ITGBL1: variants seen among roughly 807,000 people sequenced by gnomAD.
The protein encoded by ITGBL1 is integrin beta-like protein 1.
In ITGBL1, 51 loss-of-function variants were observed where a neutral mutation model predicts 68.5. The ratio of observed to expected loss-of-function variants is 0.74; its 90% CI spans 0.59 to 0.94. The LOEUF (loss-of-function observed/expected upper bound fraction) is 0.94, where lower values mean the gene tolerates loss of function less well. ITGBL1 is among the 40% of genes least tolerant of loss of function. The pLI is 0.00. For missense variants in ITGBL1, 649 were observed against 647.4 expected, an observed-to-expected ratio of 1.00 and a Z score of -0.03; for synonymous variants, 209 against 227.3, an observed-to-expected ratio of 0.92 and a Z score of 0.72.
chr13:101,661,128 T>TAAA (rs5806242), intron 7 of ITGBL1, among the ~76,000 whole-genome samples: 218 of 149,398 alleles, frequency 1.5e-3, no homozygotes, highest in African/African-American at 4.4e-3. Context: ...ACAAACATAG[T>TAAA]AAAAAAAAAA....
chr13:101,612,750 A>T (rs368333041), intron 7 of ITGBL1, among the ~76,000 whole-genome samples: 1 of 152,132 alleles, frequency 6.6e-6, no homozygotes, highest in African/African-American at 2.4e-5. Context: ...ACACAAGGGT[A>T]TGACAGGGTG....
intron 4 of ITGBL1, among the ~76,000 whole-genome samples, chr13:101,576,308 A>C (rs901232341): frequency 6.6e-6 from 1 of 152,148 alleles, no homozygotes. Flanking sequence ...TCACGACTGC[A>C]TCAGTGCCTT....
At chr13:101,637,101 T>C (rs1247409395) in intron 7 of ITGBL1, among the ~76,000 whole-genome samples, 2 of 152,248 alleles carry the variant, frequency 1.3e-5, no homozygotes, top group Admixed American at 6.5e-5. Context: ...AATAACAAAA[T>C]GGGAAGATAC....
At chr13:101,668,057 T>C (rs1256921536) in intron 7 of ITGBL1, among the ~76,000 whole-genome samples, 5 of 152,196 alleles carry the variant, frequency 3.3e-5, no homozygotes, top group African/African-American at 7.2e-5. Context: ...CAGGATTACA[T>C]TGATCTCTGT....
chr13:101,597,196 C>G (rs1253235699), intron 6 of ITGBL1, among the ~76,000 whole-genome samples: 1 of 152,118 alleles, frequency 6.6e-6, no homozygotes, highest in East Asian at 1.9e-4. Flanking sequence ...ATCTCCGCAT[C>G]TCTCTCAGTT....
chr13:101,720,435 T>C (rs1566809603), downstream of ITGBL1: 1 of 152,066 alleles, frequency 6.6e-6, no homozygotes, highest in African/African-American at 2.4e-5. Flanking sequence ...AAAATAAATC[T>C]TGTCTTAATT....
At chr13:101,689,905 T>C (rs1451121774) in intron 7 of ITGBL1, among the ~76,000 whole-genome samples, 1 of 152,220 alleles carries the variant, frequency 6.6e-6, no homozygotes, top group African/African-American at 2.4e-5. Flanking sequence ...ACAATTAAGT[T>C]ATTATTGACT....
At chr13:101,538,407 A>G (rs1195143009) in intron 2 of ITGBL1, among the ~76,000 whole-genome samples, 1 of 152,112 alleles carries the variant, frequency 6.6e-6, no homozygotes, top group African/African-American at 2.4e-5. Context: ...GAGGGTTAAG[A>G]AGGCTTTCAA....
At chr13:101,600,834 G>A (rs1001938064) in intron 7 of ITGBL1, among the ~76,000 whole-genome samples, 1 of 152,164 alleles carries the variant, frequency 6.6e-6, no homozygotes, top group African/African-American at 2.4e-5. Flanking sequence ...GCTGGTTTCG[G>A]TTTGCCAGTA....
intron 2 of ITGBL1, among the ~76,000 whole-genome samples, chr13:101,513,542 G>A (rs972699820): frequency 3.3e-5 from 5 of 152,062 alleles, no homozygotes; most frequent in African/African-American, 4.8e-5. Context: ...TTTATCCAAC[G>A]TATTATGTCT....
intron 2 of ITGBL1, among the ~76,000 whole-genome samples, chr13:101,541,831 G>T (rs1268750266): frequency 6.6e-6 from 1 of 152,148 alleles, no homozygotes; most frequent in South Asian, 2.1e-4. Flanking sequence ...AGATTTTCTA[G>T]TATATTTGTG....
At chr13:101,649,687 T>C (rs1297722135) in intron 7 of ITGBL1, among the ~76,000 whole-genome samples, 1 of 152,216 alleles carries the variant, frequency 6.6e-6, no homozygotes, top group Non-Finnish European at 1.5e-5. Context: ...AGCCTTTGGC[T>C]GCTCTTACTG....
rs776598493 is a variant in ITGBL1, at chr13:101,453,972, G to A, written c.188G>A (p.Cys63Tyr). 1.3e-6 allele frequency: 2 copies of A among 1,526,846 alleles called. No individual in the cohort carries two copies. The highest frequency in any genetic ancestry group is 4.1e-5 in the Admixed American group (2 of 48,814). The allele number at this position is 1,526,846 out of a possible 1,614,324, so 94.6% of individuals were successfully genotyped here. A position where few individuals can be genotyped will look rare whatever the true frequency, so the allele number is the denominator to read the frequency against. ...GGGCAGCCCCCGGGGGCCGCGCTGT[G>A]CCACGGCCGGGGCCGCTGCGACTGC... ...APGQPPGAALCHGRGRCDCGV... is the reference protein window; with the variant it reads ...APGQPPGAALYHGRGRCDCGV... The change falls in exon 2 of 11, where the codon TGC (cysteine) becomes TAC (tyrosine). Residue 63 changes from cysteine to tyrosine, a missense_variant. Physicochemically the swap from Cys to Tyr is radical, Grantham distance 194 (BLOSUM62 -2). Transcript: ENST00000376180.
In ITGBL1 at chr13:101,553,602, G is replaced by T. The variant is rs1168522708; in HGVS notation, c.317-14097G>T. The stretch of plus-strand genomic sequence containing the variant: ...GTCACAATGTTTTGGAGACCAGAAG[G>T]CTGAGATCAAGGTGTTGGCAGACTT... On this transcript the variant is annotated intron_variant, in intron 2 of 10. Coordinates refer to ENST00000376180, the MANE Select transcript of ITGBL1 (RefSeq NM_004791.3). Among the ~76,000 whole-genome samples, 4 of 152,082 alleles carry T rather than the reference G, an allele frequency of 2.6e-5. No homozygotes were observed. In the East Asian group the frequency reaches 5.8e-4, roughly 22 times the overall value.
At chr13:101,568,047 C>T (rs115720535) in intron 3 of ITGBL1, among the ~76,000 whole-genome samples, 15,604 of 152,026 alleles carry the variant, frequency 0.1, 1,294 homozygotes, top group African/African-American at 0.23. Flanking sequence ...CCAGCTGTTC[C>T]AAATGCCTCC....
At chr13:101,468,940 C>G (rs1166707124) in intron 2 of ITGBL1, among the ~76,000 whole-genome samples, 14 of 152,194 alleles carry the variant, frequency 9.2e-5, no homozygotes, top group Admixed American at 8.5e-4. Context: ...CCTCCATAAC[C>G]TAATTTTTCT....
At chr13:101,541,505 G>A (rs1229518804) in intron 2 of ITGBL1, among the ~76,000 whole-genome samples, 3 of 151,908 alleles carry the variant, frequency 2.0e-5, no homozygotes, top group Admixed American at 6.6e-5. Flanking sequence ...GATATTAGTC[G>A]AAAATTCTCT....
intron 6 of ITGBL1, among the ~76,000 whole-genome samples, chr13:101,586,566 A>G (rs3783212): frequency 0.2 from 31,172 of 152,158 alleles, 3,482 homozygotes; most frequent in Non-Finnish European, 0.23. Context: ...GAGAAAATAC[A>G]TTCAGAGAAA....
intron 2 of ITGBL1, among the ~76,000 whole-genome samples, chr13:101,526,382 A>T (rs1381384122): frequency 6.6e-6 from 1 of 151,408 alleles, no homozygotes. Flanking sequence ...TTCAACTCCC[A>T]CTTATGTTTA....
Sources: gnomAD v4.1 joint callset for allele counts (sites outside exome capture counted in the v4.1 genomes callset) on GRCh38, gnomAD v4.1.1 for gene constraint, MANE v1.5 for transcripts, NCBI Gene and HGNC (gene_info 2026-07-23, HGNC 2026-07-21) for gene names.